The following VNN1 variants were observed in gnomAD, a reference collection of about 807,000 sequenced individuals.
VNN1 encodes vanin 1.
In VNN1, 29 loss-of-function variants were observed where a neutral mutation model predicts 41.9. The observed-to-expected ratio is 0.69, with a 90% CI of 0.52 to 0.94. The LOEUF (loss-of-function observed/expected upper bound fraction) is 0.94. VNN1 is among the 40% of genes least tolerant of loss of function. VNN1 has a pLI of 0.00. For synonymous variants in VNN1, 233 were observed against 224.4 expected, an observed-to-expected ratio of 1.04 and a Z score of -0.34; for missense variants, 637 against 621.1, an observed-to-expected ratio of 1.03 and a Z score of -0.27.
intron 2 of VNN1, among the ~76,000 whole-genome samples, chr6:132,696,648 T>C (rs946087548): frequency 6.7e-6 from 1 of 148,966 alleles, no homozygotes; most frequent in African/African-American, 2.5e-5. Flanking sequence ...CACAAAGCAT[T>C]GAGCTGATAT....
intron 2 of VNN1, 100 bp from the exon 3 acceptor site, chr6:132,694,282 G>T: frequency 8.7e-7 from 1 of 1,153,038 alleles, no homozygotes; most frequent in Non-Finnish European, 1.2e-6. Context: ...TTTGATATAT[G>T]CAAAAGTAAA....
intron 5 of VNN1, among the ~76,000 whole-genome samples, chr6:132,690,142 C>G (rs769955306): frequency 2.2e-4 from 33 of 152,162 alleles, no homozygotes; most frequent in Non-Finnish European, 7.4e-5. Flanking sequence ...TCTTTTGGGT[C>G]TTTGCTCCAT....
intron 2 of VNN1, among the ~76,000 whole-genome samples, chr6:132,710,731 T>C (rs753401292): frequency 6.6e-6 from 1 of 152,248 alleles, no homozygotes; most frequent in Non-Finnish European, 1.5e-5. Flanking sequence ...TGTAGTGTTC[T>C]GTGGTATATA....
At chr6:132,710,176 A>T (rs1778578452) in intron 2 of VNN1, among the ~76,000 whole-genome samples, 1 of 151,910 alleles carries the variant, frequency 6.6e-6, no homozygotes, top group Non-Finnish European at 1.5e-5. Context: ...CAGCCTTCCA[A>T]GTAGCTGGGA....
intron 3 of VNN1, among the ~76,000 whole-genome samples, 190 bp from the exon 4 acceptor site, chr6:132,693,505 C>T (rs1002550517): frequency 2.0e-5 from 3 of 152,168 alleles, no homozygotes; most frequent in Non-Finnish European, 4.4e-5. Flanking sequence ...GTTCAGTCTC[C>T]ACATTACAAA....
Position 132,692,471 on chromosome 6 carries a change from C to G in VNN1, c.940G>C (p.Val314Leu). The G allele has an allele frequency of 1.9e-6, 3 of 1,614,010 alleles. No individual in the cohort carries two copies. The highest frequency in any genetic ancestry group is 2.5e-6 in the Non-Finnish European group (3 of 1,180,026). The change falls in exon 5 of 7, where the codon GTG (valine) becomes CTG (leucine). Residue 314 changes from valine to leucine, a missense_variant. Val to Leu is a conservative substitution (Grantham distance 32). Coordinates refer to ENST00000367928, the MANE Select transcript of VNN1 (RefSeq NM_004666.3). ...CTGCTGGCATAGGAAGTCCAGTTCACCACTGCAGAATGGGATGGGTGGGAA... is the reference window on the plus strand; with the variant it reads ...CTGCTGGCATAGGAAGTCCAGTTCAGCACTGCAGAATGGGATGGGTGGGAA... ...LDSHPSHSAV[V>L]NWTSYASSIE...
At position 132,713,975 on chromosome 6, in the gene VNN1, AGCT is replaced by A; in HGVS notation, c.58_60del (p.Ser20del). The A allele has an allele frequency of 6.2e-7, 1 of 1,614,176 alleles. No individual in the cohort carries two copies. The highest frequency in any genetic ancestry group is 2.2e-5 in the East Asian group (1 of 44,862). On this transcript the variant is annotated inframe_deletion, in exon 1 of 7. Coordinates refer to ENST00000367928, the MANE Select transcript of VNN1 (RefSeq NM_004666.3). ...ACAGCTGCAGTGAAAGTGTCCTGGC[AGCT>A]GGCTCTTGAGACATAGAAAAGCAAA...
chr6:132,708,438 A>G (rs1778549925), intron 2 of VNN1, among the ~76,000 whole-genome samples: 2 of 152,174 alleles, frequency 1.3e-5, no homozygotes, highest in East Asian at 3.8e-4. Context: ...TAAATAAATT[A>G]AATAAAAAAG....
intron 2 of VNN1, among the ~76,000 whole-genome samples, chr6:132,709,214 T>A (rs941080642): frequency 1.0e-5 from 1 of 97,746 alleles, no homozygotes; most frequent in Non-Finnish European, 1.8e-5. Context: ...AGATGATAGA[T>A]AGATGATAGA....
At chr6:132,712,640 A>C (rs1190953218) in intron 1 of VNN1, among the ~76,000 whole-genome samples, 1 of 152,120 alleles carries the variant, frequency 6.6e-6, no homozygotes, top group African/African-American at 2.4e-5. Context: ...CCCTGCAAAC[A>C]TGATTCCTGC....
intron 5 of VNN1, among the ~76,000 whole-genome samples, chr6:132,687,419 G>A (rs1778224785): frequency 6.6e-6 from 1 of 152,174 alleles, no homozygotes; most frequent in African/African-American, 2.4e-5. Context: ...GGAAGACGGG[G>A]AACAGAAAAC....
chr6:132,688,945 G>C (rs1178068640), intron 5 of VNN1, among the ~76,000 whole-genome samples: 2 of 152,156 alleles, frequency 1.3e-5, no homozygotes, highest in Non-Finnish European at 2.9e-5. Context: ...CTGGAGTGCA[G>C]TGGCACAATT....
chr6:132,694,819 T>C (rs550292898), intron 2 of VNN1, among the ~76,000 whole-genome samples: 30 of 151,940 alleles, frequency 2.0e-4, no homozygotes, highest in Admixed American at 9.8e-4. Context: ...TTCCACTGCA[T>C]TCCAACCTGG....
intron 2 of VNN1, among the ~76,000 whole-genome samples, chr6:132,705,286 C>G (rs1454786301): frequency 6.6e-6 from 1 of 152,086 alleles, no homozygotes; most frequent in Non-Finnish European, 1.5e-5. Context: ...AAAATACTAG[C>G]AAACCAAATG....
intron 2 of VNN1, among the ~76,000 whole-genome samples, chr6:132,695,636 A>ATTT (rs1351389570): frequency 6.6e-6 from 1 of 152,186 alleles, no homozygotes; most frequent in East Asian, 1.9e-4. Flanking sequence ...CAGGAGATTT[A>ATTT]AAGAACCAGT....
intron 5 of VNN1, among the ~76,000 whole-genome samples, chr6:132,691,388 A>G (rs1368880621): frequency 1.3e-5 from 2 of 152,108 alleles, no homozygotes; most frequent in Non-Finnish European, 2.9e-5. Flanking sequence ...TGAGAGGACC[A>G]TGGAGGCCAC....
At chr6:132,713,678 A>T in intron 1 of VNN1, 148 bp downstream of exon 1, 1 of 811,436 alleles carries the variant, frequency 1.2e-6, no homozygotes, top group Non-Finnish European at 1.8e-6. Context: ...AGAGGAAAGT[A>T]GAATTCTAAC....
Position 132,712,955 on chromosome 6 carries a change from C to A in VNN1, c.210+871G>T, listed in dbSNP as rs143548697. Among the ~76,000 whole-genome samples, 4 of 152,192 alleles carry A rather than the reference C, an allele frequency of 2.6e-5. No individual in the cohort carries two copies. In the East Asian group the frequency reaches 5.8e-4, roughly 22 times the overall value. ...TTCAAGTACAGCGTGGGCAACATGG[C>A]AAAATCCCATCTCTACAAAAAATAC... is the stretch of plus-strand genomic sequence containing the variant. On this transcript the variant is annotated intron_variant, in intron 1 of 6. Transcript: ENST00000367928.
chr6:132,684,785 T>C (rs1778184620), intron 5 of VNN1, among the ~76,000 whole-genome samples: 1 of 152,144 alleles, frequency 6.6e-6, no homozygotes, highest in Admixed American at 6.5e-5. Context: ...CCTATGCCAC[T>C]TTATTTGGTA....
Sources: gnomAD v4.1 joint callset for allele counts (sites outside exome capture counted in the v4.1 genomes callset) on GRCh38, gnomAD v4.1.1 for gene constraint, MANE v1.5 for transcripts, NCBI Gene and HGNC (gene_info 2026-07-23, HGNC 2026-07-21) for gene names.